The following BBS9 variants were observed in gnomAD, a reference collection of about 807,000 sequenced individuals.
BBS9 encodes Bardet-Biedl syndrome 9.
A neutral mutation model predicts 117.7 loss-of-function variants in BBS9; 89 were observed. The observed-to-expected ratio is 0.76, with a 90% confidence interval of 0.64 to 0.90. BBS9 has a LOEUF of 0.90. Ranked by LOEUF, BBS9 falls within the 40% of genes least tolerant of loss-of-function variation. The probability of loss-of-function intolerance (pLI) is 0.00; values close to 1 mark genes in which losing one functional copy is unlikely to be tolerated. For synonymous variants in BBS9, 379 were observed against 370.9 expected (o/e 1.02, Z -0.25); for missense variants, 982 against 1,042.2 (o/e 0.94, Z 0.80).
At chr7:33,245,197 T>C (rs1454876537) in intron 5 of BBS9, among the ~76,000 whole-genome samples, 1 of 152,148 alleles carries the variant, frequency 6.6e-6, no homozygotes, top group Non-Finnish European at 1.5e-5. Context: ...TCCTAATTTG[T>C]ATATTTTCCT....
At chr7:33,406,235 A>G (rs1383998624) in intron 19 of BBS9, among the ~76,000 whole-genome samples, 1 of 152,016 alleles carries the variant, frequency 6.6e-6, no homozygotes, top group South Asian at 2.1e-4. Context: ...GTTCTTTTAC[A>G]TTTGCTGGGG....
intron 19 of BBS9, among the ~76,000 whole-genome samples, chr7:33,470,862 G>A (rs1370843089): frequency 6.6e-6 from 1 of 152,136 alleles, no homozygotes; most frequent in Non-Finnish European, 1.5e-5. Flanking sequence ...GGTGTCCTGG[G>A]GTTAGAGGAT....
intron 5 of BBS9, among the ~76,000 whole-genome samples, chr7:33,245,691 A>G (rs1311805478): frequency 6.6e-6 from 1 of 152,176 alleles, no homozygotes; most frequent in Non-Finnish European, 1.5e-5. Context: ...TTGCTAATCT[A>G]GAACTACAGT....
chr7:33,226,941 A>ATGAAAAAGTTATGGAGATG (rs1436031187), intron 5 of BBS9, among the ~76,000 whole-genome samples: 2 of 152,190 alleles, frequency 1.3e-5, no homozygotes, highest in East Asian at 3.8e-4. Context: ...CTTAGGAAAG[A>ATGAAAAAGTTATGGAGATG]TGAAAAAGTT....
intron 21 of BBS9, among the ~76,000 whole-genome samples, chr7:33,580,900 C>G (rs532241916): frequency 1.3e-5 from 2 of 152,156 alleles, no homozygotes; most frequent in East Asian, 1.9e-4. Context: ...GTTTAATGCT[C>G]TCTCTGCATT....
In BBS9 at chr7:33,192,726, C is replaced by A. The variant is rs1468010897; in HGVS notation, c.442+15135C>A. Among the ~76,000 whole-genome samples, 6 of 152,306 alleles carry A rather than the reference C, an allele frequency of 3.9e-5. 1 individual carries two copies. The South Asian group carries it at 1.0e-3, about 26-fold the overall frequency. Reference sequence around the variant, plus strand: ...CATTTATTTCTCACAGGTCTGGAGGCTGGGAAGTCCAAAATCAAGGTGCCA... The same window carrying A: ...CATTTATTTCTCACAGGTCTGGAGGATGGGAAGTCCAAAATCAAGGTGCCA... On this transcript the variant is annotated intron_variant, in intron 5 of 22. Transcript: ENST00000242067.
At chr7:33,191,647 A>G (rs1423386609) in intron 5 of BBS9, among the ~76,000 whole-genome samples, 1 of 152,204 alleles carries the variant, frequency 6.6e-6, no homozygotes, top group East Asian at 1.9e-4. Context: ...TCATTCTGGT[A>G]CAGTGTGTGG....
intron 4 of BBS9, among the ~76,000 whole-genome samples, chr7:33,158,801 A>G (rs1794434091): frequency 6.6e-6 from 1 of 151,356 alleles, no homozygotes; most frequent in Non-Finnish European, 1.5e-5. Context: ...AATGAAATTT[A>G]ACAGAGTTTA....
chr7:33,166,831 C>T (rs1795778198), intron 4 of BBS9, among the ~76,000 whole-genome samples: 1 of 152,224 alleles, frequency 6.6e-6, no homozygotes, highest in African/African-American at 2.4e-5. Context: ...CAACCCCTTG[C>T]ACTTCCTGGG....
intron 9 of BBS9, among the ~76,000 whole-genome samples, chr7:33,306,612 A>C (rs986547045): frequency 5.3e-5 from 8 of 152,126 alleles, no homozygotes; most frequent in African/African-American, 1.7e-4. Context: ...ATATTGTATG[A>C]TGGAAAGTAT....
chr7:33,456,506 T>C (rs1475697772), intron 19 of BBS9, among the ~76,000 whole-genome samples: 1 of 152,142 alleles, frequency 6.6e-6, no homozygotes, highest in Non-Finnish European at 1.5e-5. Context: ...TTTTAAGTGG[T>C]AATTAGAAAA....
At chr7:33,190,474 AAAACTG>A (rs753108346) in intron 5 of BBS9, among the ~76,000 whole-genome samples, 5 of 152,208 alleles carry the variant, frequency 3.3e-5, no homozygotes, top group African/African-American at 4.8e-5. Context: ...TGTCTTTGGT[AAAACTG>A]AAGACTCCCT....
At position 33,446,449 on chromosome 7, in the gene BBS9, A is replaced by G. The variant is rs1243746465; in HGVS notation, c.2115+58305A>G. On this transcript the variant is annotated intron_variant, in intron 19 of 22. Transcript: ENST00000242067. ...TGAAAAAGCTTGAAATTCCCTTACA[A>G]TGTAAGATGTCATAACTTCATTATA... Among the ~76,000 whole-genome samples, 3 of 152,190 alleles carry G rather than the reference A, an allele frequency of 2.0e-5. No individual in the cohort carries two copies. The East Asian group carries it at 5.8e-4, about 29-fold the overall frequency.
At chr7:33,288,638 G>A (rs1030805092) in intron 9 of BBS9, among the ~76,000 whole-genome samples, 4 of 152,026 alleles carry the variant, frequency 2.6e-5, no homozygotes, top group Admixed American at 2.0e-4. Context: ...TTGAGCAAGA[G>A]TATTTTTATA....
intron 4 of BBS9, among the ~76,000 whole-genome samples, chr7:33,157,483 C>T (rs1050882025): frequency 3.9e-5 from 6 of 152,164 alleles, no homozygotes; most frequent in African/African-American, 1.4e-4. Context: ...TTCATTTCTT[C>T]AGCCTCTTGT....
At chr7:33,568,919 A>G (rs1857331737) in intron 21 of BBS9, among the ~76,000 whole-genome samples, 1 of 152,192 alleles carries the variant, frequency 6.6e-6, no homozygotes, top group Non-Finnish European at 1.5e-5. Context: ...AGAAGGGGAG[A>G]GAGATGGAAA....
intron 19 of BBS9, among the ~76,000 whole-genome samples, chr7:33,496,289 A>G (rs1322299519): frequency 6.6e-6 from 1 of 152,064 alleles, no homozygotes; most frequent in African/African-American, 2.4e-5. Flanking sequence ...GCAGATCATG[A>G]GGTCAGGAGT....
intron 9 of BBS9, among the ~76,000 whole-genome samples, chr7:33,320,880 C>T (rs1442488093): frequency 6.6e-6 from 1 of 151,956 alleles, no homozygotes. Context: ...AGATTTCAGT[C>T]TTTAATCCAT....
chr7:33,508,210 G>A (rs1004711479), intron 20 of BBS9, among the ~76,000 whole-genome samples: 1 of 152,162 alleles, frequency 6.6e-6, no homozygotes, highest in African/African-American at 2.4e-5. Context: ...GCTTACTGAT[G>A]AGAAAGGAAG....
Sources: allele counts gnomAD v4.1 joint callset (sites outside exome capture counted in the v4.1 genomes callset), GRCh38; gene constraint gnomAD v4.1.1; transcripts MANE v1.5; gene names NCBI Gene and HGNC (gene_info 2026-07-23, HGNC 2026-07-21).